The following CDK6 variants were observed in gnomAD, a reference collection of about 807,000 sequenced individuals.
CDK6 encodes the protein cyclin dependent kinase 6, also known as cyclin-dependent kinase 6.
A neutral mutation model predicts 37.1 loss-of-function variants in CDK6; 6 were observed. The ratio of observed to expected loss-of-function variants is 0.16; its 90% CI spans 0.09 to 0.32. The LOEUF (loss-of-function observed/expected upper bound fraction) is 0.32. CDK6 is among the 10% of genes least tolerant of loss of function. The pLI, the probability that CDK6 is intolerant of heterozygous loss-of-function variation, is 1.00. For synonymous variants in CDK6, 160 were observed against 161.3 expected (o/e 0.99, Z 0.06); for missense variants, 224 against 418.9 (o/e 0.53, Z 4.06).
At chr7:92,725,332 C>T (rs1798486002) in intron 4 of CDK6, 1 of 985,338 alleles carries the variant, frequency 1.0e-6, no homozygotes. Context: ...GCTCTGAAAA[C>T]AGTGGTTATG....
intron 4 of CDK6, among the ~76,000 whole-genome samples, chr7:92,675,077 G>GC (rs1456066049): frequency 6.6e-6 from 1 of 152,116 alleles, no homozygotes; most frequent in Admixed American, 6.5e-5. Flanking sequence ...CAGGTGATCT[G>GC]CCCACCTCAG....
In CDK6 at chr7:92,834,119, G is replaced by C. The variant is rs1189029134; in HGVS notation, c.-367-429C>G. Among the ~76,000 whole-genome samples, 1 of 152,072 alleles carries C rather than the reference G, an allele frequency of 6.6e-6. No homozygotes were observed. The highest frequency in any genetic ancestry group is 1.5e-5 in the Non-Finnish European group (1 of 68,010). ...CTGAGGCCCGGACGTGCAGGGAGAC[G>C]GGGTCCAGGGGTGCCGGAGGGCGTT... On this transcript the variant is annotated intron_variant, in intron 1 of 7. Transcript: ENST00000424848. The surrounding 1 kb of genome is among the most constrained non-coding windows in gnomAD (Gnocchi z 4.6).
chr7:92,734,557 T>C (rs1159271155), intron 3 of CDK6, among the ~76,000 whole-genome samples: 1 of 152,188 alleles, frequency 6.6e-6, no homozygotes, highest in African/African-American at 2.4e-5. Context: ...CCCACCACAT[T>C]GTACTAATGG....
chr7:92,819,019 T>C (rs1183006997), intron 2 of CDK6, among the ~76,000 whole-genome samples: 10 of 152,056 alleles, frequency 6.6e-5, no homozygotes, highest in Admixed American at 6.6e-4. Context: ...TTCTTAAAAA[T>C]TAAATACACA....
At chr7:92,721,285 T>C (rs555442524) in intron 4 of CDK6, among the ~76,000 whole-genome samples, 30 of 152,178 alleles carry the variant, frequency 2.0e-4, no homozygotes, top group Non-Finnish European at 3.5e-4. Flanking sequence ...GATGAGCCCA[T>C]GCCCTTCCCA....
chr7:92,654,488 T>C (rs1796645663), intron 5 of CDK6, among the ~76,000 whole-genome samples: 1 of 152,198 alleles, frequency 6.6e-6, no homozygotes, highest in South Asian at 2.1e-4. Context: ...TATTTAATGG[T>C]CTCTGAGTAG....
intron 5 of CDK6, among the ~76,000 whole-genome samples, chr7:92,625,528 T>A (rs1470785176): frequency 7.3e-6 from 1 of 136,788 alleles, no homozygotes; most frequent in Non-Finnish European, 1.7e-5. Flanking sequence ...TGTATGCAGT[T>A]TTGCAAAAAA....
intron 5 of CDK6, among the ~76,000 whole-genome samples, chr7:92,649,955 A>G (rs1246407129): frequency 6.6e-6 from 1 of 152,240 alleles, no homozygotes; most frequent in Non-Finnish European, 1.5e-5. Flanking sequence ...CATCTTGAAA[A>G]GCTTGTCTAA....
chr7:92,688,823 T>G (rs1035297593), intron 4 of CDK6, among the ~76,000 whole-genome samples: 4 of 152,208 alleles, frequency 2.6e-5, no homozygotes, highest in Non-Finnish European at 4.4e-5. Flanking sequence ...TTTATAGCCC[T>G]GTAGCTTAGT....
At position 92,760,742 on chromosome 7, in the gene CDK6, T is replaced by C. The variant is rs117560498; in HGVS notation, c.369+13954A>G. On this transcript the variant is annotated intron_variant, in intron 3 of 7. Coordinates refer to ENST00000424848, the MANE Select transcript of CDK6 (RefSeq NM_001145306.2). Reference sequence around the variant, plus strand: ...ATAATTTCATGCTAGTTTTTTAATATATGTATTTGAAATACATTCCCAAAA... The same window carrying C: ...ATAATTTCATGCTAGTTTTTTAATACATGTATTTGAAATACATTCCCAAAA... 6.7e-3 allele frequency among the ~76,000 whole-genome samples: 1,013 copies of C among 152,270 alleles called. 5 individuals carry two copies. The highest frequency in any genetic ancestry group is 0.02 in the Middle Eastern group (6 of 294).
At chr7:92,671,304 G>A in intron 5 of CDK6, 122 bp downstream of exon 5, 1 of 549,156 alleles carries the variant, frequency 1.8e-6, no homozygotes, top group East Asian at 3.3e-5. Flanking sequence ...GTGGTAGCCT[G>A]GGGTAGATGG....
chr7:92,681,612 T>C (rs1585395048), intron 4 of CDK6, among the ~76,000 whole-genome samples: 2 of 152,230 alleles, frequency 1.3e-5, no homozygotes, highest in South Asian at 4.1e-4. Context: ...GGTCGCAAAT[T>C]AGGAAAGCAA....
chr7:92,728,516 G>C (rs547772912), intron 3 of CDK6, among the ~76,000 whole-genome samples: 29 of 152,152 alleles, frequency 1.9e-4, no homozygotes, highest in South Asian at 1.9e-3. Context: ...TTCACCCTGG[G>C]ACATGCCATA....
intron 3 of CDK6, among the ~76,000 whole-genome samples, chr7:92,742,071 T>C (rs1265095538): frequency 2.0e-5 from 3 of 152,146 alleles, no homozygotes; most frequent in African/African-American, 7.2e-5. Flanking sequence ...AGACAAACAA[T>C]GATACAAATA....
chr7:92,836,271 C>T (rs1801670150), intron 1 of CDK6, among the ~76,000 whole-genome samples: 1 of 151,686 alleles, frequency 6.6e-6, no homozygotes, highest in African/African-American at 2.4e-5. Context: ...TCCTCTAGCT[C>T]CCCAAAACTG....
intron 5 of CDK6, among the ~76,000 whole-genome samples, chr7:92,667,332 G>A (rs2116594426): frequency 6.6e-6 from 1 of 152,052 alleles, no homozygotes; most frequent in African/African-American, 2.4e-5. Context: ...GGAGTAGCTA[G>A]TACTACAGAT....
Position 92,608,484 on chromosome 7 carries a change from TATATAGA to T in CDK6, c.*6649_*6655del, listed in dbSNP as rs1213555225. 3 of 230,578 alleles carry T rather than the reference TATATAGA, an allele frequency of 1.3e-5. No homozygotes were observed. The highest frequency in any genetic ancestry group is 6.6e-5 in the African/African-American group (3 of 45,172). The allele number at this position is 230,578 out of a possible 1,614,324, so 14.3% of individuals were successfully genotyped here. On this transcript the variant is annotated 3_prime_UTR_variant, in exon 8 of 8. Coordinates refer to ENST00000424848, the MANE Select transcript of CDK6 (RefSeq NM_001145306.2). ...TCCAGGCATATCTTTCACCATCACA[TATATAGA>T]ATGATGGAAAATAAAAAAATAAAAA...
chr7:92,690,329 C>T (rs1379491770), intron 4 of CDK6, among the ~76,000 whole-genome samples: 36 of 152,142 alleles, frequency 2.4e-4, no homozygotes, highest in Admixed American at 2.4e-3. Context: ...TTTCAATCTT[C>T]TGCATATGGC....
intron 4 of CDK6, among the ~76,000 whole-genome samples, chr7:92,716,134 A>G (rs565653675): frequency 4.6e-4 from 70 of 152,200 alleles, no homozygotes; most frequent in African/African-American, 1.4e-3. Flanking sequence ...AATTAAAAAA[A>G]TTTTTTTGGA....
Sources: gnomAD v4.1 joint callset for allele counts (sites outside exome capture counted in the v4.1 genomes callset) on GRCh38, gnomAD v4.1.1 for gene constraint, Gnocchi (gnomAD v3.1) non-coding constraint, MANE v1.5 for transcripts, NCBI Gene and HGNC (gene_info 2026-07-23, HGNC 2026-07-21) for gene names.